PCBP2: variants seen among roughly 807,000 people sequenced by gnomAD.
PCBP2 encodes the protein poly(rC)-binding protein 2.
A neutral mutation model predicts 50.1 loss-of-function variants in PCBP2; 4 were observed. The ratio of observed to expected loss-of-function variants is 0.08; its 90% CI spans 0.04 to 0.18. The LOEUF (loss-of-function observed/expected upper bound fraction) is 0.18, where lower values mean the gene tolerates loss of function less well. Ranked by LOEUF, PCBP2 falls within the 10% of genes least tolerant of loss-of-function variation. PCBP2 has a pLI of 1.00. For synonymous variants in PCBP2, 179 were observed against 168.0 expected (o/e 1.07, Z -0.51); for missense variants, 161 against 474.3 (o/e 0.34, Z 6.14).
chr12:53,466,947 AG>A (rs1254676978), intron 10 of PCBP2, among the ~76,000 whole-genome samples: 3 of 152,100 alleles, frequency 2.0e-5, no homozygotes, highest in African/African-American at 7.2e-5. Flanking sequence ...GTAGCCTCCA[AG>A]GGGGATGGTC....
At chr12:53,476,962 A>G (rs928422215) in intron 14 of PCBP2, among the ~76,000 whole-genome samples, 4 of 152,194 alleles carry the variant, frequency 2.6e-5, no homozygotes, top group South Asian at 2.1e-4. Context: ...GCTATTCCCC[A>G]AGGAAGGATT....
chr12:53,464,059 A>T (rs895431620), intron 8 of PCBP2, among the ~76,000 whole-genome samples: 1 of 152,174 alleles, frequency 6.6e-6, no homozygotes, highest in Non-Finnish European at 1.5e-5. Context: ...AAGGGCTCTC[A>T]GTCTAGTTAG....
intron 14 of PCBP2, among the ~76,000 whole-genome samples, chr12:53,478,320 C>T (rs931923151): frequency 2.0e-5 from 3 of 151,616 alleles, no homozygotes; most frequent in Non-Finnish European, 4.4e-5. Flanking sequence ...CCAGCCTGGC[C>T]AACATGGTGA....
intron 9 of PCBP2, 88 bp from the exon 10 acceptor site, chr12:53,465,844 T>C: frequency 2.0e-6 from 2 of 1,016,496 alleles, no homozygotes; most frequent in Non-Finnish European, 3.1e-6. Context: ...CAACTCTGGC[T>C]TCCTGGCTAG....
At chr12:53,465,348 G>A (rs1002511327) in intron 9 of PCBP2, among the ~76,000 whole-genome samples, 2 of 152,154 alleles carry the variant, frequency 1.3e-5, no homozygotes, top group South Asian at 4.1e-4. Flanking sequence ...GAGGGGAGGT[G>A]GGAGAAGACA....
chr12:53,461,280 G>A (rs1941426765), intron 7 of PCBP2, 137 bp downstream of exon 7: 1 of 917,672 alleles, frequency 1.1e-6, no homozygotes, highest in Middle Eastern at 2.9e-4. Flanking sequence ...GGTTCCCTGA[G>A]TTCATATTTT....
At chr12:53,460,925 C>G in intron 6 of PCBP2, 90 bp from the exon 7 acceptor site, 1 of 1,376,802 alleles carries the variant, frequency 7.3e-7, no homozygotes, top group South Asian at 1.2e-5. Flanking sequence ...TAAATATCTA[C>G]TAGAGTTTTA....
At chr12:53,478,997 C>T (rs1418201778) in intron 14 of PCBP2, among the ~76,000 whole-genome samples, 1 of 152,060 alleles carries the variant, frequency 6.6e-6, no homozygotes, top group Non-Finnish European at 1.5e-5. Flanking sequence ...TCTCAGATGA[C>T]TCTTTCTTTC....
At chr12:53,460,408 AGTGCTC>A (rs1222500676) in intron 6 of PCBP2, 1 of 380,782 alleles carries the variant, frequency 2.6e-6, no homozygotes, top group Admixed American at 3.0e-5. Flanking sequence ...GGTCTCCCAA[AGTGCTC>A]GGATTACAGA....
rs781369463 is a variant in PCBP2 at position 53,467,235 on chromosome 12, C to T, written c.729C>T (p.His243=). ...CCTCCTTGCAGTTGACCAAGCTGCA[C>T]CAGTTGGCAATGCAACAGTCTCATT... is the stretch of plus-strand genomic sequence containing the variant. ...AIPQPDLTKL[H]QLAMQQSHFP... The change falls in exon 11 of 15, where the codon CAC becomes CAT. Residue 243 remains histidine (H), a synonymous_variant. Transcript: ENST00000546463. 5.0e-6 allele frequency: 8 copies of T among 1,613,892 alleles called. No homozygotes were observed. The highest frequency in any genetic ancestry group is 2.2e-5 in the South Asian group (2 of 91,076).
intron 14 of PCBP2, among the ~76,000 whole-genome samples, chr12:53,472,119 G>GTC (rs940344445): frequency 6.6e-6 from 1 of 151,990 alleles, no homozygotes; most frequent in African/African-American, 2.4e-5. Context: ...TCAAATGTGG[G>GTC]TCTCTCTTGT....
Position 53,461,969 on chromosome 12 carries a change from A to C in PCBP2, c.505-524A>C, listed in dbSNP as rs75094421. 6.1e-3 allele frequency among the ~76,000 whole-genome samples: 928 copies of C among 152,188 alleles called. 6 individuals carry two copies. The highest frequency in any genetic ancestry group is 0.021 in the African/African-American group (888 of 41,518). On this transcript the variant is annotated intron_variant, in intron 7 of 14. Transcript: ENST00000546463. ...AGCCATCCACCCGCCTCAGCCTTCCAAAGTACTGGTATTACCAGCATGAGC... is the reference window on the plus strand; with the variant it reads ...AGCCATCCACCCGCCTCAGCCTTCCCAAGTACTGGTATTACCAGCATGAGC...
Position 53,466,439 on chromosome 12 carries a change from G to A in PCBP2, c.714+466G>A, listed in dbSNP as rs541938597. ...GGAAGGGGCTTATGTTACACAGAGA[G>A]GGATAGGAACCTGAACATTTCAGAA... On this transcript the variant is annotated intron_variant, in intron 10 of 14. Transcript: ENST00000546463. Among the ~76,000 whole-genome samples, 3 of 152,294 alleles carry A rather than the reference G, an allele frequency of 2.0e-5. No individual in the cohort carries two copies. The East Asian group carries it at 5.8e-4, about 29-fold the overall frequency.
intron 10 of PCBP2, 61 bp downstream of exon 10, chr12:53,466,034 C>T (rs1182313065): frequency 5.7e-6 from 8 of 1,408,166 alleles, no homozygotes; most frequent in Non-Finnish European, 8.1e-6. Flanking sequence ...AATTGTCTCA[C>T]TCCTCTCTCC....
rs1555209672 is a variant in PCBP2, at chr12:53,479,672, T to TTTTTTTTTTTTTTTTGG, written c.*241_*242insTTTTGGTTTTTTTTTTT. The stretch of plus-strand genomic sequence containing the variant: ...TTTAGTTTTATAAGCTTCTCCCTGG[T>TTTTTTTTTTTTTTTTGG]TTTTTTTTTTTGGCTCATGAATTTT... On this transcript the variant is annotated 3_prime_UTR_variant, in exon 15 of 15. Coordinates refer to ENST00000546463, the MANE Select transcript of PCBP2 (RefSeq NM_031989.5). 189 of 286,526 alleles carry TTTTTTTTTTTTTTTTGG rather than the reference T, an allele frequency of 6.6e-4. No homozygotes were observed. The highest frequency in any genetic ancestry group is 1.1e-3 in the East Asian group (20 of 17,894). The allele number at this position is 286,526 out of a possible 1,614,324, so 17.7% of individuals were successfully genotyped here.
At chr12:53,468,908 C>A in intron 13 of PCBP2, 76 bp downstream of exon 13, 3 of 995,526 alleles carry the variant, frequency 3.0e-6, no homozygotes, top group Non-Finnish European at 4.5e-6. Flanking sequence ...TCAGCAGTGT[C>A]CTGCTACCCT....
intron 14 of PCBP2, 81 bp downstream of exon 14, chr12:53,471,888 G>A: frequency 3.3e-6 from 4 of 1,228,016 alleles, no homozygotes; most frequent in African/African-American, 3.1e-5. Flanking sequence ...TATTAAATAT[G>A]GGATTACATG....
At chr12:53,456,822 C>T (rs1239038582) in intron 5 of PCBP2, among the ~76,000 whole-genome samples, 1 of 152,116 alleles carries the variant, frequency 6.6e-6, no homozygotes, top group Non-Finnish European at 1.5e-5. Flanking sequence ...TCCCTCTCTC[C>T]CTTCTGCATT....
intron 13 of PCBP2, among the ~76,000 whole-genome samples, chr12:53,470,582 ATTT>A (rs887032789): frequency 6.7e-6 from 1 of 150,162 alleles, no homozygotes; most frequent in Non-Finnish European, 1.5e-5. Context: ...CTTTTTTTGT[ATTT>A]TTTTTGTAAA....
Sources: gnomAD v4.1 joint callset for allele counts (sites outside exome capture counted in the v4.1 genomes callset) on GRCh38, gnomAD v4.1.1 for gene constraint, MANE v1.5 for transcripts, NCBI Gene and HGNC (gene_info 2026-07-23, HGNC 2026-07-21) for gene names.